Variants in PDCD1 observed in about 807,000 individuals in gnomAD.
PDCD1 encodes the protein programmed cell death protein 1.
PDCD1 carries 10 observed loss-of-function variants against 23.6 expected under a neutral mutation model. The observed-to-expected ratio is 0.42, with a 90% confidence interval of 0.26 to 0.72. The LOEUF (loss-of-function observed/expected upper bound fraction) is 0.72. PDCD1 is among the 30% of genes least tolerant of loss of function. The pLI is 0.24. For synonymous variants in PDCD1, 168 were observed against 169.3 expected (o/e 0.99, Z 0.06); for missense variants, 313 against 397.8 (o/e 0.79, Z 1.81).
intron 1 of PDCD1, among the ~76,000 whole-genome samples, chr2:241,857,402 G>A (rs891969050): frequency 3.3e-5 from 5 of 152,158 alleles, no homozygotes; most frequent in East Asian, 1.9e-4. Flanking sequence ...TATCTTTCCC[G>A]CCTGGGTCGG....
In PDCD1 at chr2:241,852,331, T is replaced by C. The variant is rs1398833960; in HGVS notation, c.459A>G (p.Thr153=). ...RVTERRAEVP[T]AHPSPSPRPA... is the part of the protein sequence containing the mutation. ...GCCTGGGTGAGGGGCTGGGGTGGGC[T>C]GTGGGCACTTCTGCCCTTCTCTCTG... The change falls in exon 3 of 5, where the codon ACA becomes ACG. Residue 153 remains threonine, a synonymous_variant. Transcript: ENST00000334409. The C allele has an allele frequency of 1.9e-6, 3 of 1,599,840 alleles. No individual in the cohort carries two copies. The highest frequency in any genetic ancestry group is 2.6e-6 in the Non-Finnish European group (3 of 1,170,162).
At chr2:241,856,161 A>G (rs946216953) in intron 1 of PDCD1, among the ~76,000 whole-genome samples, 2 of 152,076 alleles carry the variant, frequency 1.3e-5, no homozygotes, top group Admixed American at 1.3e-4. Context: ...CTCGGAGCAC[A>G]GGGAGCCGAC....
At chr2:241,853,660 C>T (rs1012633740) in intron 1 of PDCD1, among the ~76,000 whole-genome samples, 1 of 152,262 alleles carries the variant, frequency 6.6e-6, no homozygotes, top group Non-Finnish European at 1.5e-5. Context: ...AAGACAAGGA[C>T]CTCCTGAAAC....
At chr2:241,853,688 A>G (rs1414298395) in intron 1 of PDCD1, among the ~76,000 whole-genome samples, 32 of 152,378 alleles carry the variant, frequency 2.1e-4, no homozygotes, top group Non-Finnish European at 8.8e-5. Flanking sequence ...TGCCAGGGTC[A>G]GGGCTTGGGA....
intron 3 of PDCD1, 103 bp downstream of exon 3, chr2:241,852,095 G>C: frequency 6.9e-7 from 1 of 1,441,628 alleles, no homozygotes; most frequent in South Asian, 1.3e-5. Context: ...GGAGATGGGG[G>C]GAGGTGGGGT....
chr2:241,854,775 A>G (rs1700986846), intron 1 of PDCD1, among the ~76,000 whole-genome samples: 1 of 152,212 alleles, frequency 6.6e-6, no homozygotes, highest in Admixed American at 6.5e-5. Context: ...GCTGCCATGC[A>G]GCTGTCGGGA....
chr2:241,858,718 T>C, intron 1 of PDCD1, 45 bp downstream of exon 1: 1 of 1,492,376 alleles, frequency 6.7e-7, no homozygotes, highest in Non-Finnish European at 9.2e-7. Context: ...GGAAGGTCCC[T>C]CCAGACCCCT....
chr2:241,857,498 C>T (rs1240761580), intron 1 of PDCD1, among the ~76,000 whole-genome samples: 1 of 152,158 alleles, frequency 6.6e-6, no homozygotes, highest in Non-Finnish European at 1.5e-5. Context: ...TCAGCTCCCC[C>T]TCCCCTGTGA....
chr2:241,856,738 T>C (rs1288001505), intron 1 of PDCD1, among the ~76,000 whole-genome samples: 1 of 152,058 alleles, frequency 6.6e-6, no homozygotes, highest in Non-Finnish European at 1.5e-5. Flanking sequence ...GTGGGAGAAT[T>C]GCTTGAGCCC....
At position 241,856,834 on chromosome 2, in the gene PDCD1, A is replaced by G. The variant is rs566149908; in HGVS notation, c.76+1929T>C. ...CCTGTCACTAAAAGAAACAAACAAA[A>G]AAGTGTCAGGGGCTGGGCTGGGTAG... On this transcript the variant is annotated intron_variant, in intron 1 of 4. Coordinates refer to ENST00000334409, the MANE Select transcript of PDCD1 (RefSeq NM_005018.3). 3.9e-3 allele frequency among the ~76,000 whole-genome samples: 591 copies of G among 152,286 alleles called. 2 individuals are homozygous for G. The highest frequency in any genetic ancestry group is 0.014 in the African/African-American group (567 of 41,544).
chr2:241,853,627 G>A (rs1220417571), intron 1 of PDCD1, among the ~76,000 whole-genome samples: 5 of 152,250 alleles, frequency 3.3e-5, no homozygotes, highest in African/African-American at 1.2e-4. Flanking sequence ...GGACAGACAC[G>A]GGGCCCCCGA....
At chr2:241,856,803 C>T (rs1478554886) in intron 1 of PDCD1, among the ~76,000 whole-genome samples, 2 of 152,174 alleles carry the variant, frequency 1.3e-5, no homozygotes, top group African/African-American at 2.4e-5. Context: ...GGTGACAGAG[C>T]AAGACCCTGT....
intron 1 of PDCD1, among the ~76,000 whole-genome samples, chr2:241,854,376 C>T (rs1700969493): frequency 6.6e-6 from 1 of 152,256 alleles, no homozygotes; most frequent in Non-Finnish European, 1.5e-5. Context: ...TGAGACCGCC[C>T]TTGTCTGCCG....
intron 1 of PDCD1, among the ~76,000 whole-genome samples, chr2:241,856,530 A>G (rs991700016): frequency 6.6e-6 from 1 of 152,256 alleles, no homozygotes; most frequent in African/African-American, 2.4e-5. Flanking sequence ...TTTAAAAATC[A>G]GACTTTAAAA....
In PDCD1 at chr2:241,858,885, G is replaced by T. The variant is rs1440245639; in HGVS notation, c.-47C>A. ...GTGCCGCCTTCTCCACTGCTCAGGC[G>T]GAGGTGAGCGGAAGGGAAACTGTCC... On this transcript the variant is annotated 5_prime_UTR_variant, in exon 1 of 5. Coordinates refer to ENST00000334409, the MANE Select transcript of PDCD1 (RefSeq NM_005018.3). The T allele has an allele frequency of 2.7e-6, 4 of 1,488,452 alleles. No homozygotes were observed. Among genetic ancestry groups the T allele is most frequent in the Non-Finnish European group, 3.7e-6 (4 of 1,091,872 alleles). 92.2% of individuals were successfully genotyped at this position (1,488,452 alleles called of 1,614,324 possible).
At chr2:241,855,299 G>A (rs1313302022) in intron 1 of PDCD1, among the ~76,000 whole-genome samples, 2 of 152,070 alleles carry the variant, frequency 1.3e-5, no homozygotes, top group African/African-American at 4.8e-5. Flanking sequence ...CCCACCCAGT[G>A]TGGGGGTGCT....
chr2:241,854,000 C>T lies in PDCD1; in HGVS notation c.77-1020G>A, dbSNP rs571869072. ...TGGGACAGGCGGCCTCCGTGGCAGG[C>T]GGTGGTGATGACTCAAGGAGCAACC... On this transcript the variant is annotated intron_variant, in intron 1 of 4. Transcript: ENST00000334409. Among the ~76,000 whole-genome samples the T allele has an allele frequency of 2.2e-3, 329 of 152,310 alleles. 2 individuals carry two copies. Among genetic ancestry groups the T allele is most frequent in the African/African-American group, 7.5e-3 (310 of 41,570 alleles).
chr2:241,852,649 C>T lies in PDCD1; in HGVS notation c.408G>A (p.Glu136=). ...ISLAPKAQIK[E]SLRAELRVTE... is the part of the protein sequence containing the mutation. Reference sequence around the variant, plus strand: ...TCACCCTGAGCTCTGCCCGCAGGCTCTCTTTGATCTGCGCCTTGGGGGCCA... The same window carrying T: ...TCACCCTGAGCTCTGCCCGCAGGCTTTCTTTGATCTGCGCCTTGGGGGCCA... The change falls in exon 2 of 5, where the codon GAG becomes GAA. Residue 136 remains glutamate, a synonymous_variant. Coordinates refer to ENST00000334409, the MANE Select transcript of PDCD1 (RefSeq NM_005018.3). 3 of 1,612,836 alleles carry T rather than the reference C, an allele frequency of 1.9e-6. No homozygotes were observed. Among genetic ancestry groups the T allele is most frequent in the Non-Finnish European group, 1.7e-6 (2 of 1,179,846 alleles).
rs1700921223 is a variant in PDCD1 at position 241,852,322 on chromosome 2, G to A, written c.468C>T (p.Pro156=). The A allele has an allele frequency of 1.2e-6, 2 of 1,608,180 alleles. No individual in the cohort carries two copies. The highest frequency in any genetic ancestry group is 1.7e-6 in the Non-Finnish European group (2 of 1,176,714). Reference sequence around the variant, plus strand: ...GGCCGGCTGGCCTGGGTGAGGGGCTGGGGTGGGCTGTGGGCACTTCTGCCC... The same window carrying A: ...GGCCGGCTGGCCTGGGTGAGGGGCTAGGGTGGGCTGTGGGCACTTCTGCCC... ...ERRAEVPTAH[P]SPSPRPAGQF... The change falls in exon 3 of 5, where the codon CCC becomes CCT. Residue 156 remains proline (P), a synonymous_variant. Coordinates refer to ENST00000334409, the MANE Select transcript of PDCD1 (RefSeq NM_005018.3).
Sources: allele counts gnomAD v4.1 joint callset (sites outside exome capture counted in the v4.1 genomes callset), GRCh38; gene constraint gnomAD v4.1.1; transcripts MANE v1.5; gene names NCBI Gene and HGNC (gene_info 2026-07-23, HGNC 2026-07-21).